Variants in CHODL observed in about 807,000 individuals in gnomAD.
CHODL encodes transmembrane protein MT75.
A neutral mutation model predicts 34.5 loss-of-function variants in CHODL; 29 were observed. The observed-to-expected ratio is 0.84, with a 90% CI of 0.63 to 1.15. The LOEUF is 1.15. Among genes scored for constraint, CHODL ranks in the 50% most tolerant of loss-of-function variants. The pLI is 0.00. For synonymous variants in CHODL, 125 were observed against 116.1 expected (o/e 1.08, Z -0.49); for missense variants, 332 against 332.5 (o/e 1.00, Z 0.01).
At chr21:18,079,988 G>T (rs2064921522) in intron 2 of CHODL, among the ~76,000 whole-genome samples, 1 of 151,830 alleles carries the variant, frequency 6.6e-6, no homozygotes, top group South Asian at 2.1e-4. Flanking sequence ...CTGCATCCCT[G>T]CCAACATCTA....
At chr21:18,136,911 C>A (rs1200300445) in intron 2 of CHODL, among the ~76,000 whole-genome samples, 3 of 151,606 alleles carry the variant, frequency 2.0e-5, no homozygotes, top group Non-Finnish European at 4.4e-5. Context: ...AAGTCCAATG[C>A]CCTATACCAT....
chr21:18,154,535 G>T (rs1349961451), intron 2 of CHODL, among the ~76,000 whole-genome samples: 1 of 152,002 alleles, frequency 6.6e-6, no homozygotes, highest in Non-Finnish European at 1.5e-5. Flanking sequence ...TAATTCAAAA[G>T]CCCCCAGATA....
intron 2 of CHODL, among the ~76,000 whole-genome samples, chr21:18,219,288 A>G (rs1404971743): frequency 6.6e-6 from 1 of 152,160 alleles, no homozygotes; most frequent in Non-Finnish European, 1.5e-5. Context: ...GATGACAGGA[A>G]GGAGAAGTGC....
intron 1 of CHODL, among the ~76,000 whole-genome samples, chr21:17,969,196 T>A (rs1201621864): frequency 1.3e-5 from 2 of 152,168 alleles, no homozygotes; most frequent in South Asian, 2.1e-4. Context: ...ATTGGTGAGT[T>A]TTTTAAGGGT....
intron 2 of CHODL, among the ~76,000 whole-genome samples, chr21:18,239,384 G>C (rs1353688040): frequency 6.6e-6 from 1 of 152,054 alleles, no homozygotes; most frequent in East Asian, 1.9e-4. Context: ...GAGCAGCAGA[G>C]TGACAGATGT....
intron 2 of CHODL, among the ~76,000 whole-genome samples, chr21:18,213,876 A>G (rs143512357): frequency 1.1e-4 from 17 of 152,084 alleles, no homozygotes; most frequent in African/African-American, 4.1e-4. Context: ...TCAGGCAGTC[A>G]CTATCCCCAC....
At chr21:18,190,943 G>T (rs2073503593) in intron 2 of CHODL, among the ~76,000 whole-genome samples, 1 of 152,200 alleles carries the variant, frequency 6.6e-6, no homozygotes, top group African/African-American at 2.4e-5. Flanking sequence ...GGAAATAAAA[G>T]GCCTGTTTTG....
At position 18,009,600 on chromosome 21, in the gene CHODL, A is replaced by G. The variant is rs150599607; in HGVS notation, c.-144-18272A>G. On this transcript the variant is annotated intron_variant, in intron 1 of 6. Transcript: ENST00000400127. ...ACAACCTAATTGAAATTAACAATAC[A>G]TTGAAATTGTTGACTGACTTGCTTT... Among the ~76,000 whole-genome samples the G allele has an allele frequency of 1.7e-3, 263 of 152,316 alleles. 2 individuals carry two copies. The highest frequency in any genetic ancestry group is 6.2e-3 in the African/African-American group (256 of 41,562).
chr21:18,027,728 T>C (rs557470237), intron 1 of CHODL: 1 of 152,382 alleles, frequency 6.6e-6, no homozygotes, highest in Non-Finnish European at 1.5e-5. Context: ...GTTGAAATTC[T>C]AACGCATAAC....
intron 2 of CHODL, among the ~76,000 whole-genome samples, chr21:18,168,497 T>C (rs1488544013): frequency 1.3e-5 from 2 of 152,202 alleles, no homozygotes; most frequent in Non-Finnish European, 2.9e-5. Flanking sequence ...CTCATTGTGG[T>C]TTTGATATGC....
intron 1 of CHODL, among the ~76,000 whole-genome samples, chr21:17,995,718 A>G (rs1052841573): frequency 6.6e-6 from 1 of 152,302 alleles, no homozygotes; most frequent in Non-Finnish European, 1.5e-5. Context: ...CTGTACCTAC[A>G]TCTTTAGGTC....
At chr21:18,240,241 A>G (rs2074068744), upstream of CHODL, among the ~76,000 whole-genome samples, 1 of 152,038 alleles carries the variant, frequency 6.6e-6, no homozygotes, top group African/African-American at 2.4e-5. Context: ...ATATTTGGAA[A>G]ATTAGTGCAT....
intron 1 of CHODL, among the ~76,000 whole-genome samples, chr21:17,927,889 C>G (rs2063241414): frequency 6.6e-6 from 1 of 152,196 alleles, no homozygotes; most frequent in South Asian, 2.1e-4. Flanking sequence ...GCTCTTCCAC[C>G]TACGCAACAC....
At chr21:18,109,019 TG>T (rs1304229351) in intron 2 of CHODL, among the ~76,000 whole-genome samples, 4 of 148,216 alleles carry the variant, frequency 2.7e-5, no homozygotes, top group Non-Finnish European at 5.9e-5. Flanking sequence ...TATAGCAGAA[TG>T]TTGACTAAAA....
In CHODL at chr21:18,210,343, C is replaced by G. The variant is rs114516282; in HGVS notation, c.-44-46166C>G. Among the ~76,000 whole-genome samples the G allele has an allele frequency of 2.4e-3, 366 of 152,250 alleles. 1 individual carries two copies. Among genetic ancestry groups the G allele is most frequent in the African/African-American group, 8.6e-3 (359 of 41,556 alleles). On this transcript the variant is annotated intron_variant, in intron 2 of 6. Transcript: ENST00000400127. ...GATGTGCACAGATTCTCTCTCTGTG[C>G]GACATGGCCACTGCCTGGGGGATGG...
intron 2 of CHODL, among the ~76,000 whole-genome samples, chr21:18,155,536 G>A (rs139003456): frequency 1.3e-5 from 2 of 152,352 alleles, no homozygotes; most frequent in African/African-American, 4.8e-5. Context: ...AGAGAGAACA[G>A]TATTCACTCT....
At chr21:18,003,117 G>A (rs2063925160) in intron 1 of CHODL, among the ~76,000 whole-genome samples, 1 of 132,282 alleles carries the variant, frequency 7.6e-6, no homozygotes, top group Admixed American at 7.8e-5. Flanking sequence ...GCGAGACTCC[G>A]TCTCAAAAAA....
intron 2 of CHODL, among the ~76,000 whole-genome samples, chr21:18,134,585 G>A (rs766735094): frequency 3.3e-5 from 5 of 152,158 alleles, no homozygotes; most frequent in Non-Finnish European, 5.9e-5. Flanking sequence ...TGGGCTTAAC[G>A]TATTATGCAA....
At chr21:18,211,650 CT>C (rs1197502634) in intron 2 of CHODL, among the ~76,000 whole-genome samples, 3 of 152,128 alleles carry the variant, frequency 2.0e-5, no homozygotes, top group South Asian at 2.1e-4. Flanking sequence ...ATTTACTTTA[CT>C]TTTTTTCCCC....
Sources: gnomAD v4.1 joint callset for allele counts (sites outside exome capture counted in the v4.1 genomes callset) on GRCh38, gnomAD v4.1.1 for gene constraint, MANE v1.5 for transcripts, NCBI Gene and HGNC (gene_info 2026-07-23, HGNC 2026-07-21) for gene names.